Variants in SLC16A12 observed in about 807,000 individuals in gnomAD.
SLC16A12 encodes monocarboxylate transporter 12.
A neutral mutation model predicts 42.4 loss-of-function variants in SLC16A12; 17 were observed. That is an observed-to-expected ratio of 0.40 (90% CI 0.27 to 0.60). The LOEUF (loss-of-function observed/expected upper bound fraction) is 0.60, where lower values mean the gene tolerates loss of function less well. Among genes scored for constraint, SLC16A12 ranks in the 20% least tolerant of loss-of-function variants. SLC16A12 has a pLI of 0.42. For synonymous variants in SLC16A12, 224 were observed against 229.4 expected (o/e 0.98, Z 0.21); for missense variants, 544 against 623.0 (o/e 0.87, Z 1.35).
chr10:89,495,838 T>C (rs1315900291), intron 2 of SLC16A12, among the ~76,000 whole-genome samples: 3 of 152,188 alleles, frequency 2.0e-5, no homozygotes, highest in Admixed American at 2.0e-4. Context: ...TTACTACATA[T>C]CACTAGCTCA....
At chr10:89,505,850 C>T (rs1235239422) in intron 2 of SLC16A12, among the ~76,000 whole-genome samples, 1 of 152,200 alleles carries the variant, frequency 6.6e-6, no homozygotes, top group Non-Finnish European at 1.5e-5. Flanking sequence ...ATTCTCGTGG[C>T]TAGCGCAGCA....
intron 3 of SLC16A12, among the ~76,000 whole-genome samples, chr10:89,461,713 T>C (rs1842303505): frequency 6.6e-6 from 1 of 152,238 alleles, no homozygotes; most frequent in African/African-American, 2.4e-5. Context: ...AGATTTATCA[T>C]TAAGATGACA....
chr10:89,531,003 T>G (rs12771958), intron 2 of SLC16A12, among the ~76,000 whole-genome samples: 3 of 152,242 alleles, frequency 2.0e-5, no homozygotes, highest in African/African-American at 7.2e-5. Context: ...TGATATATTT[T>G]TTTTAACATT....
intron 2 of SLC16A12, among the ~76,000 whole-genome samples, chr10:89,502,337 C>T (rs1843001458): frequency 6.6e-6 from 1 of 152,044 alleles, no homozygotes; most frequent in African/African-American, 2.4e-5. Flanking sequence ...ATAATCCCAG[C>T]TACTTGGGAG....
chr10:89,539,857 T>TTTTCTTTCTTTCTTTCTTTCTTTCTTTC (rs71022573), upstream of SLC16A12, among the ~76,000 whole-genome samples: 24 of 127,950 alleles, frequency 1.9e-4, no homozygotes, highest in East Asian at 7.2e-4. Context: ...AGAAACAAAT[T>TTTTCTTTCTTTCTTTCTTTCTTTCTTTC]TTTCTTTCTT....
At chr10:89,520,621 A>T (rs1300926984) in intron 2 of SLC16A12, among the ~76,000 whole-genome samples, 1 of 151,724 alleles carries the variant, frequency 6.6e-6, no homozygotes, top group Non-Finnish European at 1.5e-5. Context: ...GAAATCACCC[A>T]TGCAGTTAGC....
At chr10:89,477,680 A>T (rs1346080857) in intron 2 of SLC16A12, among the ~76,000 whole-genome samples, 2 of 152,200 alleles carry the variant, frequency 1.3e-5, no homozygotes, top group Non-Finnish European at 2.9e-5. Context: ...GACAATAAGT[A>T]AAATAAATTT....
chr10:89,466,335 G>A (rs1178618186), intron 2 of SLC16A12, among the ~76,000 whole-genome samples: 2 of 152,160 alleles, frequency 1.3e-5, no homozygotes, highest in African/African-American at 4.8e-5. Flanking sequence ...GCTGGGCTAT[G>A]AGCATTGCAG....
At chr10:89,472,213 C>A (rs1029620727) in intron 2 of SLC16A12, among the ~76,000 whole-genome samples, 1 of 151,798 alleles carries the variant, frequency 6.6e-6, no homozygotes, top group African/African-American at 2.4e-5. Flanking sequence ...TTTTAAATAC[C>A]ACTTTACAGT....
In SLC16A12 at chr10:89,482,980, T is replaced by C. The variant is rs540757094; in HGVS notation, c.-46-20356A>G. Among the ~76,000 whole-genome samples the C allele has an allele frequency of 2.6e-5, 4 of 152,296 alleles. No individual in the cohort carries two copies. The South Asian group carries it at 8.3e-4, about 32-fold the overall frequency. ...GTCTACTCCAGCTGCTATAACAAAA[T>C]ACCAGACACTGGATGGCTAAAACGG... is the stretch of plus-strand genomic sequence containing the variant. On this transcript the variant is annotated intron_variant, in intron 2 of 7. Coordinates refer to ENST00000371790, the MANE Select transcript of SLC16A12 (RefSeq NM_213606.4).
chr10:89,487,472 C>A (rs1842774822), intron 2 of SLC16A12, among the ~76,000 whole-genome samples: 1 of 151,756 alleles, frequency 6.6e-6, no homozygotes, highest in Non-Finnish European at 1.5e-5. Context: ...ACCATTCAAC[C>A]CACCAATCAC....
chr10:89,542,991 T>C (rs1319354958), intron 2 of SLC16A12, among the ~76,000 whole-genome samples: 3 of 152,222 alleles, frequency 2.0e-5, no homozygotes, highest in African/African-American at 4.8e-5. Context: ...CTCTTTCCCA[T>C]GTCTGGGCTA....
chr10:89,539,562 C>A (rs746146431), upstream of SLC16A12, among the ~76,000 whole-genome samples: 1 of 152,102 alleles, frequency 6.6e-6, no homozygotes, highest in Non-Finnish European at 1.5e-5. Context: ...TTTGGTCAAA[C>A]AAGAATGTGT....
At chr10:89,498,604 G>A (rs117312012) in intron 2 of SLC16A12, among the ~76,000 whole-genome samples, 452 of 152,214 alleles carry the variant, frequency 3.0e-3, no homozygotes, top group Admixed American at 5.9e-3. Context: ...TTGCAGCTCC[G>A]ACTCGGGCAG....
chr10:89,449,840 A>C (rs1180171556), intron 3 of SLC16A12, among the ~76,000 whole-genome samples: 1 of 152,220 alleles, frequency 6.6e-6, no homozygotes, highest in Non-Finnish European at 1.5e-5. Flanking sequence ...AATGTGAGAA[A>C]ATTTTTGCAA....
chr10:89,507,753 T>C (rs1005311793), intron 2 of SLC16A12, among the ~76,000 whole-genome samples: 1 of 150,718 alleles, frequency 6.6e-6, no homozygotes, highest in African/African-American at 2.5e-5. Context: ...GTAAATGGGC[T>C]AAATGCCCCC....
At chr10:89,445,917 C>A (rs1841992938) in intron 3 of SLC16A12, among the ~76,000 whole-genome samples, 1 of 152,212 alleles carries the variant, frequency 6.6e-6, no homozygotes, top group East Asian at 1.9e-4. Context: ...CTTAAATGAC[C>A]TGATGGAGCT....
At chr10:89,533,807 C>G (rs1002255941) in intron 2 of SLC16A12, among the ~76,000 whole-genome samples, 7 of 151,216 alleles carry the variant, frequency 4.6e-5, no homozygotes, top group South Asian at 4.2e-4. Flanking sequence ...AAATCAACCT[C>G]TCATCTATTT....
chr10:89,439,301 CTTTT>C lies in SLC16A12; in HGVS notation c.449-122_449-119del. The C allele has an allele frequency of 4.0e-6, 4 of 993,406 alleles. No homozygotes were observed. In the South Asian group the frequency reaches 5.0e-5, roughly 12 times the overall value. The allele number at this position is 993,406 out of a possible 1,614,324, so 61.5% of individuals were successfully genotyped here. A position where few individuals can be genotyped will look rare whatever the true frequency, so the allele number is the denominator to read the frequency against. ...CTCTCATTAAACCCTTTTAAAGCTG[CTTTT>C]TACACCAAGCTTAAAATGAGTCTCC... On this transcript the variant is annotated intron_variant, in intron 5 of 7. Transcript: ENST00000371790.
Sources: gnomAD v4.1 joint callset for allele counts (sites outside exome capture counted in the v4.1 genomes callset) on GRCh38, gnomAD v4.1.1 for gene constraint, MANE v1.5 for transcripts, NCBI Gene and HGNC (gene_info 2026-07-23, HGNC 2026-07-21) for gene names.